The following ZNF724 variants were observed in gnomAD, a reference collection of about 807,000 sequenced individuals.
ZNF724 encodes zinc finger protein 724 pseudogene.
Under a neutral mutation model 29.3 loss-of-function variants are expected in ZNF724, and 14 were observed. The ratio of observed to expected loss-of-function variants is 0.48; its 90% CI spans 0.32 to 0.75. The LOEUF (loss-of-function observed/expected upper bound fraction) is 0.75. ZNF724 is among the 30% of genes least tolerant of loss of function. The probability of loss-of-function intolerance (pLI) is 0.04; values close to 1 mark genes in which losing one functional copy is unlikely to be tolerated. For missense variants in ZNF724, 557 were observed against 571.2 expected, an observed-to-expected ratio of 0.98 and a Z score of 0.25; for synonymous variants, 180 against 193.6, an observed-to-expected ratio of 0.93 and a Z score of 0.58.
chr19:23,236,958 T>C (rs1972031775), intron 1 of ZNF724: 2 of 152,116 alleles, frequency 1.3e-5, no homozygotes, highest in South Asian at 4.1e-4. Context: ...GTTTAAGCGA[T>C]TCTCCTTCCT....
At chr19:23,228,891 C>T (rs1971885716) in intron 3 of ZNF724, among the ~76,000 whole-genome samples, 1 of 146,556 alleles carries the variant, frequency 6.8e-6, no homozygotes, top group South Asian at 2.2e-4. Context: ...CTCCAAGCCC[C>T]ACTTCCAAAA....
intron 3 of ZNF724, among the ~76,000 whole-genome samples, chr19:23,228,175 T>C (rs1971872147): frequency 6.6e-6 from 1 of 151,966 alleles, no homozygotes; most frequent in Non-Finnish European, 1.5e-5. Context: ...AAAGGCCGAG[T>C]GTGGTGGCTC....
In ZNF724 at chr19:23,232,224, G is replaced by A; in HGVS notation, c.73C>T (p.Gln25Ter). The change falls in exon 2 of 4, where the codon CAG (glutamine) becomes TAG (stop). Residue 25 changes from glutamine to a stop codon, truncating the protein, a stop_gained. Transcript: ENST00000418100. LOFTEE classifies it high-confidence loss of function. ...ATCACGTTCCTATATAAATTCTGCT[G>A]TGCAGTGTCCAGGCATTGCCACTCC... is the stretch of plus-strand genomic sequence containing the variant. ...VEEWQCLDTAQQNLYRNVMLE... is the reference protein window; with the variant it reads ...VEEWQCLDTA 1 of 1,343,146 alleles carries A rather than the reference G, an allele frequency of 7.4e-7. No homozygotes were observed. The highest frequency in any genetic ancestry group is 1.1e-6 in the Non-Finnish European group (1 of 933,196). 83.2% of individuals were successfully genotyped at this position (1,343,146 alleles called of 1,614,324 possible).
intron 1 of ZNF724, among the ~76,000 whole-genome samples, chr19:23,237,972 A>C (rs576851798): frequency 9.2e-5 from 14 of 152,168 alleles, no homozygotes; most frequent in Non-Finnish European, 1.5e-4. Flanking sequence ...TTTAGTCTTT[A>C]TCATTCTGTA....
chr19:23,231,828 G>A (rs1247367268), intron 2 of ZNF724, among the ~76,000 whole-genome samples: 1 of 151,840 alleles, frequency 6.6e-6, no homozygotes, highest in Non-Finnish European at 1.5e-5. Context: ...CCATCTCCCG[G>A]GTTCAAGTGA....
chr19:23,223,981 C>G lies in ZNF724; in HGVS notation c.264G>C (p.Glu88Asp). The change falls in exon 4 of 4, where the codon GAG becomes GAC. Residue 88 changes from glutamate to aspartate, a missense_variant. Glu to Asp is a conservative substitution (Grantham distance 45). Transcript: ENST00000418100. ...TTTGCAAAGAAGCTTTTATGCTCTGCTCTGGCCGAAGGTCTTGGGCAAAAT... is the reference window on the plus strand; with the variant it reads ...TTTGCAAAGAAGCTTTTATGCTCTGGTCTGGCCGAAGGTCTTGGGCAAAAT... ...CCYFAQDLRP[E>D]QSIKASLQRI... is the part of the protein sequence containing the mutation. The G allele has an allele frequency of 1.4e-6, 1 of 704,348 alleles. No individual in the cohort carries two copies. The highest frequency in any genetic ancestry group is 2.3e-5 in the Admixed American group (1 of 42,976). The allele number at this position is 704,348 out of a possible 1,614,324, so 43.6% of individuals were successfully genotyped here. A position where few individuals can be genotyped will look rare whatever the true frequency, so the allele number is the denominator to read the frequency against.
chr19:23,232,715 A>G (rs532619413), intron 1 of ZNF724, among the ~76,000 whole-genome samples: 1 of 151,918 alleles, frequency 6.6e-6, no homozygotes, highest in South Asian at 2.1e-4. Flanking sequence ...TCTGGAATAA[A>G]GTCTGAGTTG....
At position 23,223,405 on chromosome 19, in the gene ZNF724, A is replaced by AT. The variant is rs1971761149; in HGVS notation, c.839dup (p.Asn280LysfsTer6). 1 of 771,350 alleles carries AT rather than the reference A, an allele frequency of 1.3e-6. No homozygotes were observed. Among genetic ancestry groups the AT allele is most frequent in the African/African-American group, 1.7e-5 (1 of 58,780 alleles). 47.8% of individuals were successfully genotyped at this position (771,350 alleles called of 1,614,324 possible). A position where few individuals can be genotyped will look rare whatever the true frequency, so the allele number is the denominator to read the frequency against. On this transcript the variant is annotated frameshift_variant, in exon 4 of 4. Transcript: ENST00000418100. LOFTEE classifies it high-confidence loss of function. ...TGCCACATTCTTTACATTTGTAGGCATTCTCTCCAGTATGAATTATCTTAT... is the reference window on the plus strand; with the variant it reads ...TGCCACATTCTTTACATTTGTAGGCATTTCTCTCCAGTATGAATTATCTTAT...
chr19:23,222,786 A>G lies in ZNF724; in HGVS notation c.1459T>C (p.Phe487Leu). The stretch of plus-strand genomic sequence containing the variant: ...GTTGTAAGGTGTGAGGATAGGTTAA[A>G]AGCTTTGCCACATTCTTCACATTTG... ...PYKCEECGKA[F>L]NLSSHLTTHK... is the part of the protein sequence containing the mutation. Residue 487 changes from phenylalanine (F) to leucine (L), a missense_variant, in exon 4 of 4, where the codon TTT (phenylalanine) becomes CTT (leucine). Physicochemically the swap from Phe to Leu is conservative, Grantham distance 22. Transcript: ENST00000418100. 7.1e-7 allele frequency: 1 copy of G among 1,414,504 alleles called. No homozygotes were observed. Among genetic ancestry groups the G allele is most frequent in the Non-Finnish European group, 9.9e-7 (1 of 1,006,848 alleles). 87.6% of individuals were successfully genotyped at this position (1,414,504 alleles called of 1,614,324 possible).
At chr19:23,249,971 C>CGCTGCGCTGCGGGAGCAGAGCTGCCCAGA (rs1363229729) in intron 1 of ZNF724, among the ~76,000 whole-genome samples, 1 of 152,202 alleles carries the variant, frequency 6.6e-6, no homozygotes, top group Non-Finnish European at 1.5e-5. Context: ...CTGGGAGAGA[C>CGCTGCGCTGCGGGAGCAGAGCTGCCCAGA]GCTGCGCTGC....
At chr19:23,225,160 C>G (rs1010002248) in intron 3 of ZNF724, among the ~76,000 whole-genome samples, 29 of 152,230 alleles carry the variant, frequency 1.9e-4, no homozygotes, top group African/African-American at 6.7e-4. Flanking sequence ...CCAAAGTATG[C>G]AACACAGGAC....
chr19:23,233,035 T>C (rs1176420225), intron 1 of ZNF724, among the ~76,000 whole-genome samples: 1 of 152,170 alleles, frequency 6.6e-6, no homozygotes, highest in Non-Finnish European at 1.5e-5. Flanking sequence ...AGTGAATCAT[T>C]AGCCTCAACT....
rs545743732 is a variant in ZNF724 at position 23,241,199 on chromosome 19, C to T, written c.4-8906G>A. 5.3e-5 allele frequency among the ~76,000 whole-genome samples: 8 copies of T among 152,176 alleles called. No individual in the cohort carries two copies. The South Asian group carries it at 1.7e-3, about 32-fold the overall frequency. On this transcript the variant is annotated intron_variant, in intron 1 of 3. Transcript: ENST00000418100. ...TCTAGACAAACAAATTCTCTCAAGA[C>T]CAAACAAGTTGAAGCCCTAAATAGA... is the stretch of plus-strand genomic sequence containing the variant.
chr19:23,243,151 A>G (rs1972165147), intron 1 of ZNF724, among the ~76,000 whole-genome samples: 3 of 152,044 alleles, frequency 2.0e-5, no homozygotes, highest in Admixed American at 2.0e-4. Flanking sequence ...TTGCAGTCAC[A>G]TGGATGAAAT....
chr19:23,239,802 C>T (rs1972087674), intron 1 of ZNF724, among the ~76,000 whole-genome samples: 1 of 152,078 alleles, frequency 6.6e-6, no homozygotes, highest in Non-Finnish European at 1.5e-5. Context: ...CGCAGCGAGA[C>T]TGTTTCAATC....
intron 1 of ZNF724, among the ~76,000 whole-genome samples, chr19:23,237,003 C>G (rs1488582404): frequency 6.6e-6 from 1 of 151,986 alleles, no homozygotes; most frequent in Non-Finnish European, 1.5e-5. Context: ...CAGGCACCCA[C>G]CACCACCCCC....
In ZNF724 at chr19:23,231,957, G is replaced by C. The variant is rs528216817; in HGVS notation, c.130+210C>G. 3.3e-5 allele frequency among the ~76,000 whole-genome samples: 5 copies of C among 151,956 alleles called. No homozygotes were observed. The South Asian group carries it at 1.0e-3, about 32-fold the overall frequency. ...TCACCATGTTGGCCAGGCTGGTCTTGAACTCCTGACCTCAGGTGATCCACC... is the reference window on the plus strand; with the variant it reads ...TCACCATGTTGGCCAGGCTGGTCTTCAACTCCTGACCTCAGGTGATCCACC... On this transcript the variant is annotated intron_variant, in intron 2 of 3. Transcript: ENST00000418100.
At chr19:23,238,078 A>G (rs1972052438) in intron 1 of ZNF724, among the ~76,000 whole-genome samples, 1 of 152,128 alleles carries the variant, frequency 6.6e-6, no homozygotes. Context: ...AAGAGACTGA[A>G]AACAACAACA....
At position 23,222,384 on chromosome 19, in the gene ZNF724, CTTAT is replaced by C. The variant is rs1290373284; in HGVS notation, c.1857_1860del (p.Ter620LysfsTer29). The C allele has an allele frequency of 2.7e-6, 3 of 1,100,922 alleles. No homozygotes were observed. Among genetic ancestry groups the C allele is most frequent in the South Asian group, 1.3e-5 (1 of 77,386 alleles). 68.2% of individuals were successfully genotyped at this position (1,100,922 alleles called of 1,614,324 possible). On this transcript the variant is annotated frameshift_variant and stop_lost, in exon 4 of 4. Transcript: ENST00000418100. LOFTEE classifies it high-confidence loss of function. Reference sequence around the variant, plus strand: ...GAGCCACCACGCCTGGTCCATTTTTCTTATTTGTCAGATTTTTCTACAGCATGAA... The same window carrying C: ...GAGCCACCACGCCTGGTCCATTTTTCTTGTCAGATTTTTCTACAGCATGAA...
Sources: allele counts gnomAD v4.1 joint callset (sites outside exome capture counted in the v4.1 genomes callset), GRCh38; gene constraint gnomAD v4.1.1; transcripts MANE v1.5; gene names NCBI Gene and HGNC (gene_info 2026-07-23, HGNC 2026-07-21).